PDE10A: variants seen among roughly 807,000 people sequenced by gnomAD.
PDE10A encodes the protein cAMP and cAMP-inhibited cGMP 3',5'-cyclic phosphodiesterase 10A.
In PDE10A, 39 loss-of-function variants were observed where a neutral mutation model predicts 97.7. That is an observed-to-expected ratio of 0.40 (90% CI 0.31 to 0.52). The LOEUF is 0.52. Among genes scored for constraint, PDE10A ranks in the 20% least tolerant of loss-of-function variants. The pLI is 0.56. For synonymous variants in PDE10A, 371 were observed against 376.8 expected (o/e 0.98, Z 0.18); for missense variants, 731 against 1,047.8 (o/e 0.70, Z 4.17).
intron 18 of PDE10A, among the ~76,000 whole-genome samples, chr6:165,375,908 A>G (rs1784578197): frequency 6.6e-6 from 1 of 152,236 alleles, no homozygotes; most frequent in Non-Finnish European, 1.5e-5. Flanking sequence ...TAAGCCTACT[A>G]TCAAAACTTA....
intron 1 of PDE10A, among the ~76,000 whole-genome samples, chr6:165,791,482 G>T (rs572989469): frequency 6.6e-6 from 1 of 152,080 alleles, no homozygotes; most frequent in Admixed American, 6.6e-5. Context: ...GCGCTGCCAC[G>T]GTCCTCTGAC....
chr6:165,431,656 G>C (rs1051548007), intron 7 of PDE10A, among the ~76,000 whole-genome samples, 184 bp from the exon 8 acceptor site: 2 of 148,616 alleles, frequency 1.3e-5, no homozygotes, highest in African/African-American at 4.9e-5. Flanking sequence ...ACTACTTGTA[G>C]TCATCTCAAC....
intron 3 of PDE10A, among the ~76,000 whole-genome samples, chr6:165,475,502 G>C (rs755844374): frequency 3.3e-5 from 5 of 152,176 alleles, no homozygotes; most frequent in Non-Finnish European, 7.3e-5. Flanking sequence ...AAGACAATTT[G>C]GCTGGACATA....
intron 1 of PDE10A, among the ~76,000 whole-genome samples, chr6:165,973,500 A>G (rs1209035516): frequency 6.6e-6 from 1 of 152,178 alleles, no homozygotes; most frequent in Non-Finnish European, 1.5e-5. Context: ...AGATAAAAGG[A>G]AGTTTTATTG....
chr6:165,647,148 G>A (rs186995448), intron 1 of PDE10A, among the ~76,000 whole-genome samples: 1 of 152,194 alleles, frequency 6.6e-6, no homozygotes, highest in Non-Finnish European at 1.5e-5. Context: ...CACACACAGA[G>A]TTAAGAATAC....
intron 1 of PDE10A, among the ~76,000 whole-genome samples, chr6:165,950,675 C>T (rs566449707): frequency 6.6e-6 from 1 of 152,264 alleles, no homozygotes; most frequent in East Asian, 1.9e-4. Context: ...CAGCTGCCAG[C>T]CCAGGAGTGG....
intron 1 of PDE10A, among the ~76,000 whole-genome samples, chr6:165,563,908 C>G (rs1247379458): frequency 6.6e-5 from 10 of 151,276 alleles, no homozygotes; most frequent in Non-Finnish European, 1.5e-4. Flanking sequence ...AAAAAGGTAG[C>G]TATAATGATG....
chr6:165,936,240 T>A (rs1783322405), intron 1 of PDE10A, among the ~76,000 whole-genome samples: 1 of 152,140 alleles, frequency 6.6e-6, no homozygotes, highest in Admixed American at 6.5e-5. Flanking sequence ...GCTGGAGATA[T>A]GAAATCCATT....
chr6:165,954,539 T>A (rs763137169), intron 1 of PDE10A, among the ~76,000 whole-genome samples: 6 of 152,138 alleles, frequency 3.9e-5, no homozygotes, highest in Non-Finnish European at 7.3e-5. Context: ...GGGTTAGGAT[T>A]CGTTTTGCTA....
chr6:165,531,036 C>A (rs1170824753), intron 2 of PDE10A, among the ~76,000 whole-genome samples: 3 of 152,030 alleles, frequency 2.0e-5, no homozygotes, highest in South Asian at 4.2e-4. Context: ...ACATGGGAGC[C>A]TTTCCATCAC....
chr6:165,883,550 A>T lies in PDE10A; in HGVS notation c.-615+103979T>A, dbSNP rs555007148. 2.4e-3 allele frequency among the ~76,000 whole-genome samples: 158 copies of T among 66,514 alleles called. 1 individual carries two copies. Among genetic ancestry groups the T allele is most frequent in the African/African-American group, 6.0e-3 (118 of 19,674 alleles). 43.6% of individuals were successfully genotyped at this position (66,514 alleles called of 152,430 possible). ...TTGAGACTCCGTCTCAAAAAAAAAAAAAATAAATAAAAATAAAAATAAACT... is the reference window on the plus strand; with the variant it reads ...TTGAGACTCCGTCTCAAAAAAAAAATAAATAAATAAAAATAAAAATAAACT... On this transcript the variant is annotated intron_variant, in intron 1 of 19. Transcript: ENST00000366882.
chr6:165,371,848 A>T (rs1784274343), intron 18 of PDE10A, among the ~76,000 whole-genome samples: 1 of 152,156 alleles, frequency 6.6e-6, no homozygotes, highest in African/African-American at 2.4e-5. Context: ...GGCAAACCAA[A>T]TCCAGCAGCA....
intron 18 of PDE10A, among the ~76,000 whole-genome samples, chr6:165,364,254 G>A (rs1003232749): frequency 2.6e-5 from 4 of 152,146 alleles, no homozygotes; most frequent in African/African-American, 9.7e-5. Context: ...TATGTCATGA[G>A]GGTAGAGCCC....
chr6:165,537,315 G>C (rs1049407310), intron 2 of PDE10A, among the ~76,000 whole-genome samples: 2 of 151,962 alleles, frequency 1.3e-5, no homozygotes, highest in Admixed American at 1.3e-4. Context: ...AGAGTGGTTG[G>C]TTAACAGGTA....
intron 21 of PDE10A, among the ~76,000 whole-genome samples, chr6:165,333,882 T>A (rs892558230): frequency 6.6e-6 from 1 of 152,216 alleles, no homozygotes. Flanking sequence ...CACATGGGAA[T>A]CTTGGCATTG....
intron 1 of PDE10A, among the ~76,000 whole-genome samples, chr6:165,563,722 C>A (rs766401466): frequency 2.0e-5 from 3 of 151,912 alleles, no homozygotes; most frequent in Non-Finnish European, 4.4e-5. Flanking sequence ...GAAAACCTGT[C>A]TCTACTAAAA....
At chr6:165,829,410 T>C (rs1375605710) in intron 1 of PDE10A, among the ~76,000 whole-genome samples, 1 of 152,224 alleles carries the variant, frequency 6.6e-6, no homozygotes, top group Non-Finnish European at 1.5e-5. Flanking sequence ...TGTAGTCCAA[T>C]CTCTAATGGA....
In PDE10A at chr6:165,662,351, G is replaced by C; in HGVS notation, c.461C>G (p.Ala154Gly). 2 of 156,336 alleles carry C rather than the reference G, an allele frequency of 1.3e-5. No homozygotes were observed. The highest frequency in any genetic ancestry group is 1.4e-5 in the Non-Finnish European group (1 of 73,344). The allele number at this position is 156,336 out of a possible 1,614,324, so 9.7% of individuals were successfully genotyped here. ...TCCGCCAGCATCGCCGCCTCCTCCC[G>C]CCGCCGCCGCCGCCGCTGCGCCCTC... ...GREGAAAAAA[A>G]GGGGDAGGGG... is the part of the protein sequence containing the mutation. Residue 154 changes from alanine to glycine, a missense_variant, in exon 1 of 22, where the codon GCG (alanine) becomes GGG (glycine). Physicochemically the swap from Ala to Gly is moderately conservative, Grantham distance 60. This residue lies in a region of PDE10A where 181 missense variants were observed against 159.1 expected (regional missense o/e 1.14). Transcript: ENST00000539869.
chr6:165,672,842 C>T (rs1432450475), intron 1 of PDE10A, among the ~76,000 whole-genome samples: 11 of 152,194 alleles, frequency 7.2e-5, no homozygotes, highest in Non-Finnish European at 1.6e-4. Flanking sequence ...ACTCGAAGAA[C>T]GGTTTCTCCT....
Sources: allele counts gnomAD v4.1 joint callset (sites outside exome capture counted in the v4.1 genomes callset), GRCh38; gene constraint gnomAD v4.1.1; regional missense constraint gnomAD v4.1.1; transcripts MANE v1.5; gene names NCBI Gene and HGNC (gene_info 2026-07-23, HGNC 2026-07-21).